The following PRKCH variants were observed in gnomAD, a reference collection of about 807,000 sequenced individuals.
PRKCH encodes protein kinase C eta.
A neutral mutation model predicts 82.5 loss-of-function variants in PRKCH; 28 were observed. The ratio of observed to expected loss-of-function variants is 0.34; its 90% CI spans 0.25 to 0.47. The LOEUF (loss-of-function observed/expected upper bound fraction) is 0.47. Ranked by LOEUF, PRKCH falls within the 20% of genes least tolerant of loss-of-function variation. The probability of loss-of-function intolerance (pLI) is 1.00; values close to 1 mark genes in which losing one functional copy is unlikely to be tolerated. For synonymous variants in PRKCH, 322 were observed against 327.4 expected, an observed-to-expected ratio of 0.98 and a Z score of 0.18; for missense variants, 705 against 881.8, an observed-to-expected ratio of 0.80 and a Z score of 2.54.
chr14:61,470,183 G>A (rs1885435924), intron 9 of PRKCH, among the ~76,000 whole-genome samples: 2 of 151,820 alleles, frequency 1.3e-5, no homozygotes, highest in South Asian at 4.2e-4. Context: ...ACTGGGGGGA[G>A]GCGTAGCTCG....
intron 1 of PRKCH, among the ~76,000 whole-genome samples, chr14:61,334,986 G>C (rs2181986): frequency 6.6e-6 from 1 of 152,082 alleles, no homozygotes; most frequent in Non-Finnish European, 1.5e-5. Context: ...GGCAAGAGCC[G>C]CCACTCCTAG....
chr14:61,463,393 A>G (rs931900491), intron 9 of PRKCH: 5 of 152,210 alleles, frequency 3.3e-5, no homozygotes, highest in Admixed American at 1.3e-4. Context: ...TGTTCTTGGC[A>G]AAAAGGAAAT....
At chr14:61,425,732 G>C (rs940434706) in intron 2 of PRKCH, among the ~76,000 whole-genome samples, 1 of 152,168 alleles carries the variant, frequency 6.6e-6, no homozygotes, top group Non-Finnish European at 1.5e-5. Flanking sequence ...TATGAGATTT[G>C]GGAAGGGCCA....
chr14:61,198,496 CT>C (rs2044456649), intron 1 of PRKCH, among the ~76,000 whole-genome samples: 1 of 152,158 alleles, frequency 6.6e-6, no homozygotes, highest in African/African-American at 2.4e-5. Flanking sequence ...AATTATTGAC[CT>C]CTTCGTTCGT....
At chr14:61,314,017 G>A (rs1313518379) in intron 1 of PRKCH, among the ~76,000 whole-genome samples, 3 of 152,024 alleles carry the variant, frequency 2.0e-5, no homozygotes, top group South Asian at 2.1e-4. Flanking sequence ...ACAGGTTCTC[G>A]CCATTTGCCC....
chr14:61,342,493 T>C (rs531460431), intron 1 of PRKCH, among the ~76,000 whole-genome samples: 1 of 152,322 alleles, frequency 6.6e-6, no homozygotes, highest in Admixed American at 6.5e-5. Context: ...ATGATTGACT[T>C]GGTTCGGACA....
At chr14:61,440,501 C>T (rs780129813) in intron 2 of PRKCH, among the ~76,000 whole-genome samples, 2 of 152,216 alleles carry the variant, frequency 1.3e-5, no homozygotes, top group Non-Finnish European at 2.9e-5. Context: ...CATTTGGACT[C>T]TTTCTGCATT....
At chr14:61,339,292 C>G (rs1031457269) in intron 1 of PRKCH, among the ~76,000 whole-genome samples, 1 of 151,850 alleles carries the variant, frequency 6.6e-6, no homozygotes, top group Non-Finnish European at 1.5e-5. Flanking sequence ...TTCATCCTCT[C>G]CTGTCCTCCT....
intron 1 of PRKCH, among the ~76,000 whole-genome samples, chr14:61,328,217 T>G (rs1338157207): frequency 8.1e-6 from 1 of 123,672 alleles, no homozygotes; most frequent in Non-Finnish European, 1.6e-5. Flanking sequence ...GCCACTGCGG[T>G]CCGCAGTCCG....
At chr14:61,352,830 G>A (rs1256474709) in intron 1 of PRKCH, among the ~76,000 whole-genome samples, 1 of 152,162 alleles carries the variant, frequency 6.6e-6, no homozygotes, top group East Asian at 1.9e-4. Context: ...AATGATAATA[G>A]TATCAGTATA....
intron 1 of PRKCH, chr14:61,322,705 C>A: frequency 2.0e-6 from 1 of 501,832 alleles, no homozygotes; most frequent in Non-Finnish European, 3.5e-6. Context: ...AGCGGCTTGG[C>A]CTAACGGGAA....
intron 2 of PRKCH, among the ~76,000 whole-genome samples, chr14:61,395,497 GC>G: frequency 6.6e-6 from 1 of 152,246 alleles, no homozygotes; most frequent in East Asian, 1.9e-4. Context: ...GGTCAGGCCT[GC>G]CCAGTGTGTT....
rs376361186 is a variant in PRKCH at position 61,484,480 on chromosome 14, G to A, written c.1279-1022G>A. 2.6e-5 allele frequency among the ~76,000 whole-genome samples: 4 copies of A among 151,704 alleles called. No individual in the cohort carries two copies. In the East Asian group the frequency reaches 5.8e-4, roughly 22 times the overall value. ...ATCTTAGAGGTGCTTGAAGCAAAAC[G>A]TTTTACACTTAGATAAATCTTGGAT... On this transcript the variant is annotated intron_variant, in intron 9 of 13. Transcript: ENST00000332981.
chr14:61,194,597 C>T (rs898496386), intron 1 of PRKCH, among the ~76,000 whole-genome samples: 1 of 152,172 alleles, frequency 6.6e-6, no homozygotes, highest in African/African-American at 2.4e-5. Context: ...TTATAAGCCA[C>T]CCAGTTTATG....
chr14:61,224,841 G>A (rs1474631827), intron 1 of PRKCH, among the ~76,000 whole-genome samples: 1 of 152,166 alleles, frequency 6.6e-6, no homozygotes, highest in African/African-American at 2.4e-5. Context: ...GCACTCAAGA[G>A]TGTCTACGGT....
chr14:61,209,021 C>T (rs1232507505), intron 1 of PRKCH, among the ~76,000 whole-genome samples: 1 of 152,118 alleles, frequency 6.6e-6, no homozygotes, highest in African/African-American at 2.4e-5. Context: ...TTAAATCATG[C>T]ATGCTCCACC....
intron 2 of PRKCH, among the ~76,000 whole-genome samples, chr14:61,395,790 G>A (rs1417977140): frequency 6.6e-6 from 1 of 152,084 alleles, no homozygotes; most frequent in Non-Finnish European, 1.5e-5. Context: ...TCTTAACATT[G>A]ACTTTATGGC....
intron 1 of PRKCH, among the ~76,000 whole-genome samples, chr14:61,257,812 T>C (rs778906396): frequency 3.9e-5 from 6 of 152,200 alleles, no homozygotes; most frequent in Admixed American, 6.5e-5. Flanking sequence ...TTGTAAGTCA[T>C]GTGAGGTGAT....
In PRKCH at chr14:61,549,449, G is replaced by T. The variant is rs534846465; in HGVS notation, c.1906-236G>T. 2.0e-4 allele frequency among the ~76,000 whole-genome samples: 30 copies of T among 152,330 alleles called. No homozygotes were observed. In the South Asian group the frequency reaches 2.7e-3, roughly 14 times the overall value. ...CTTAGCCTCCCATTAAGACAGGCCTGCTCAGCAAGATTTTCATGGGATTAG... is the reference window on the plus strand; with the variant it reads ...CTTAGCCTCCCATTAAGACAGGCCTTCTCAGCAAGATTTTCATGGGATTAG... On this transcript the variant is annotated intron_variant, in intron 13 of 13. Coordinates refer to ENST00000332981, the MANE Select transcript of PRKCH (RefSeq NM_006255.5).
Sources: allele counts gnomAD v4.1 joint callset (sites outside exome capture counted in the v4.1 genomes callset), GRCh38; gene constraint gnomAD v4.1.1; transcripts MANE v1.5; gene names NCBI Gene and HGNC (gene_info 2026-07-23, HGNC 2026-07-21).